The following ABTB3 variants were observed in gnomAD, a reference collection of about 807,000 sequenced individuals.
ABTB3 encodes the protein ankyrin repeat- and BTB/POZ domain-containing protein 3.
the ABTB3 span, among the ~76,000 whole-genome samples, chr12:107,589,164 C>A: frequency 6.6e-6 from 1 of 152,198 alleles, no homozygotes; most frequent in African/African-American, 2.4e-5. Flanking sequence ...ATACTTGTGT[C>A]ATAGTAAATG....
chr12:107,539,769 C>T, the ABTB3 span, among the ~76,000 whole-genome samples: 1 of 152,178 alleles, frequency 6.6e-6, no homozygotes, highest in African/African-American at 2.4e-5. Context: ...CTCATAACCA[C>T]CTGAGAGGTG....
At chr12:107,562,789 G>A in the ABTB3 span, among the ~76,000 whole-genome samples, 1 of 152,226 alleles carries the variant, frequency 6.6e-6, no homozygotes, top group Non-Finnish European at 1.5e-5. Flanking sequence ...ACTAGGAACA[G>A]TACCATTTAG....
At chr12:107,425,028 C>A in the ABTB3 span, among the ~76,000 whole-genome samples, 1 of 152,314 alleles carries the variant, frequency 6.6e-6, no homozygotes, top group South Asian at 2.1e-4. Context: ...TTTCTAAAAT[C>A]CAGACCCGGT....
chr12:107,413,801 A>G, the ABTB3 span, among the ~76,000 whole-genome samples: 2 of 152,212 alleles, frequency 1.3e-5, no homozygotes, highest in Non-Finnish European at 2.9e-5. Context: ...GGCAGGACTC[A>G]GGAATAAATC....
At chr12:107,624,394 G>A in the ABTB3 span, among the ~76,000 whole-genome samples, 1 of 152,058 alleles carries the variant, frequency 6.6e-6, no homozygotes, top group Admixed American at 6.5e-5. Context: ...CAAAACTATG[G>A]TAAAATATCA....
chr12:107,394,085 T>C, the ABTB3 span, among the ~76,000 whole-genome samples: 2 of 152,198 alleles, frequency 1.3e-5, no homozygotes, highest in Non-Finnish European at 1.5e-5. Flanking sequence ...CATCAAACCC[T>C]TCTGCAAAGA....
At chr12:107,470,483 A>G in the ABTB3 span, among the ~76,000 whole-genome samples, 2 of 152,114 alleles carry the variant, frequency 1.3e-5, no homozygotes, top group Non-Finnish European at 2.9e-5. Flanking sequence ...ACTCGGGCCC[A>G]GTGTCCTTTG....
At chr12:107,342,124 A>G in the ABTB3 span, among the ~76,000 whole-genome samples, 4 of 151,852 alleles carry the variant, frequency 2.6e-5, no homozygotes, top group African/African-American at 9.7e-5. Flanking sequence ...AGAATTTTTG[A>G]CTTCTTGGTG....
At chr12:107,442,280 A>G in the ABTB3 span, among the ~76,000 whole-genome samples, 1 of 152,200 alleles carries the variant, frequency 6.6e-6, no homozygotes, top group Non-Finnish European at 1.5e-5. Flanking sequence ...AAGTTTTCAG[A>G]GTAATTCGGG....
At chr12:107,624,052 G>A in the ABTB3 span, among the ~76,000 whole-genome samples, 39 of 152,224 alleles carry the variant, frequency 2.6e-4, no homozygotes, top group African/African-American at 9.2e-4. Flanking sequence ...TAGTAGGAAC[G>A]TGCTTTGTGT....
chr12:107,445,897 TCCC>T, the ABTB3 span, among the ~76,000 whole-genome samples: 13 of 73,920 alleles, frequency 1.8e-4, no homozygotes, highest in Middle Eastern at 0.017. Flanking sequence ...CTCTCCCCTC[TCCC>T]CTCTCCCTGT....
At chr12:107,397,442 C>T in the ABTB3 span, among the ~76,000 whole-genome samples, 2 of 151,856 alleles carry the variant, frequency 1.3e-5, no homozygotes, top group African/African-American at 4.8e-5. Flanking sequence ...AATTCTTTAC[C>T]TATTATTTTT....
chr12:107,325,282 G>A, the ABTB3 span, among the ~76,000 whole-genome samples: 8 of 152,166 alleles, frequency 5.3e-5, no homozygotes, highest in East Asian at 3.8e-4. Context: ...TTGCTCAGCC[G>A]TTTTCCTGTC....
At chr12:107,497,488 AC>A in the ABTB3 span, among the ~76,000 whole-genome samples, 3 of 150,766 alleles carry the variant, frequency 2.0e-5, no homozygotes, top group Non-Finnish European at 3.0e-5. Flanking sequence ...CATCACTGAC[AC>A]CCCCACCACC....
chr12:107,595,656 G>A, the ABTB3 span, among the ~76,000 whole-genome samples: 3 of 152,164 alleles, frequency 2.0e-5, no homozygotes, highest in African/African-American at 7.2e-5. Context: ...AGTTGGGCGG[G>A]AAGAATAGAC....
At chr12:107,452,727 G>T in the ABTB3 span, among the ~76,000 whole-genome samples, 1 of 152,260 alleles carries the variant, frequency 6.6e-6, no homozygotes, top group Non-Finnish European at 1.5e-5. Context: ...TGTAATCCCA[G>T]CTACTCGGGA....
At chr12:107,618,826 C>T in the ABTB3 span, among the ~76,000 whole-genome samples, 1 of 152,214 alleles carries the variant, frequency 6.6e-6, no homozygotes, top group Non-Finnish European at 1.5e-5. Flanking sequence ...CTTTAGAGCA[C>T]CCAACTCCAC....
chr12:107,485,412 A>T, the ABTB3 span, among the ~76,000 whole-genome samples: 1 of 152,192 alleles, frequency 6.6e-6, no homozygotes, highest in Non-Finnish European at 1.5e-5. Flanking sequence ...TGACAATCAC[A>T]TGGGTACTAC....
At chr12:107,378,955 GA>G in the ABTB3 span, among the ~76,000 whole-genome samples, 1 of 152,166 alleles carries the variant, frequency 6.6e-6, no homozygotes, top group Admixed American at 6.5e-5. Flanking sequence ...GTGCCAGAAG[GA>G]ATTTAAGAAG....
Sources: allele counts gnomAD v4.1 joint callset (sites outside exome capture counted in the v4.1 genomes callset), GRCh38; gene constraint gnomAD v4.1.1; transcripts MANE v1.5; gene names NCBI Gene and HGNC (gene_info 2026-07-23, HGNC 2026-07-21).